SCRG1: variants seen among roughly 807,000 people sequenced by gnomAD.
SCRG1 encodes stimulator of chondrogenesis 1.
SCRG1 carries 3 observed loss-of-function variants against 7.7 expected under a neutral mutation model. The observed-to-expected ratio is 0.39, with a 90% CI of 0.18 to 1.01. The LOEUF (loss-of-function observed/expected upper bound fraction) is 1.01, where lower values mean the gene tolerates loss of function less well. SCRG1 is among the 50% of genes least tolerant of loss of function. The pLI is 0.36. For missense variants in SCRG1, 110 were observed against 117.2 expected, an observed-to-expected ratio of 0.94 and a Z score of 0.28; for synonymous variants, 46 against 41.2, an observed-to-expected ratio of 1.12 and a Z score of -0.44.
At chr4:173,392,609 T>C (rs1042253368) in intron 1 of SCRG1, among the ~76,000 whole-genome samples, 5 of 152,254 alleles carry the variant, frequency 3.3e-5, no homozygotes, top group Non-Finnish European at 5.9e-5. Context: ...TAGACTTCTC[T>C]GGTTTCTACA....
At chr4:173,464,751 A>G in the SCRG1 span, among the ~76,000 whole-genome samples, 1,203 of 152,298 alleles carry the variant, frequency 7.9e-3, 14 homozygotes, top group African/African-American at 0.024. Flanking sequence ...TATATACACA[A>G]AAGAATTTAA....
chr4:173,403,492 T>G (rs1419722810), upstream of SCRG1, among the ~76,000 whole-genome samples: 1 of 152,140 alleles, frequency 6.6e-6, no homozygotes, highest in Non-Finnish European at 1.5e-5. Flanking sequence ...CCGGGAATGC[T>G]GGGCTTTTTA....
At chr4:173,484,370 TTA>T in the SCRG1 span, among the ~76,000 whole-genome samples, 6 of 45,650 alleles carry the variant, frequency 1.3e-4, no homozygotes, top group East Asian at 7.3e-4. Context: ...ATATTATATA[TTA>T]TATATTATGT....
At chr4:173,443,833 T>C in the SCRG1 span, among the ~76,000 whole-genome samples, 145,608 of 152,202 alleles carry the variant, frequency 0.96, 69,988 homozygotes, top group South Asian at 1. Context: ...ACTTGGATTC[T>C]TCTGCATTTT....
At chr4:173,418,335 G>A in the SCRG1 span, among the ~76,000 whole-genome samples, 5 of 152,146 alleles carry the variant, frequency 3.3e-5, no homozygotes, top group South Asian at 2.1e-4. Context: ...GACCTCCCCC[G>A]TGAGAACAGC....
the SCRG1 span, among the ~76,000 whole-genome samples, chr4:173,491,160 TC>T: frequency 1.3e-5 from 2 of 151,532 alleles, no homozygotes; most frequent in Non-Finnish European, 2.9e-5. Context: ...GCCTCTTAAA[TC>T]CTAACTATTT....
chr4:173,395,603 A>G (rs73872589), intron 1 of SCRG1, among the ~76,000 whole-genome samples: 3,515 of 152,290 alleles, frequency 0.023, 152 homozygotes, highest in African/African-American at 0.079. Flanking sequence ...TCACACTCAT[A>G]TCTTCTAAGA....
chr4:173,488,437 A>C, the SCRG1 span, among the ~76,000 whole-genome samples: 1 of 152,196 alleles, frequency 6.6e-6, no homozygotes, highest in African/African-American at 2.4e-5. Flanking sequence ...ATGGAAGAAC[A>C]TGAGGATGTG....
At chr4:173,395,998 A>G (rs1434067215) in intron 1 of SCRG1, among the ~76,000 whole-genome samples, 3 of 152,222 alleles carry the variant, frequency 2.0e-5, no homozygotes, top group Admixed American at 2.0e-4. Flanking sequence ...TTTTAAAAAA[A>G]TCCCTGGCTG....
chr4:173,425,627 C>T, the SCRG1 span, among the ~76,000 whole-genome samples: 1 of 152,168 alleles, frequency 6.6e-6, no homozygotes, highest in Admixed American at 6.5e-5. Context: ...GGCCCAGGGC[C>T]CAATGAGACT....
chr4:173,472,367 G>A, the SCRG1 span, among the ~76,000 whole-genome samples: 1,750 of 152,304 alleles, frequency 0.011, 44 homozygotes, highest in African/African-American at 0.04. Flanking sequence ...CTTTTGCCAA[G>A]TGTATTAGGG....
the SCRG1 span, among the ~76,000 whole-genome samples, chr4:173,450,465 G>A: frequency 6.6e-6 from 1 of 152,190 alleles, no homozygotes; most frequent in Admixed American, 6.5e-5. Context: ...TTCTGTGCTA[G>A]TGGCTCAGAT....
intron 1 of SCRG1, among the ~76,000 whole-genome samples, chr4:173,393,090 CG>C (rs772769079): frequency 1.9e-5 from 2 of 105,810 alleles, no homozygotes; most frequent in Non-Finnish European, 2.1e-5. Context: ...GACTCCGTCT[CG>C]AAAAAAAAAA....
the SCRG1 span, among the ~76,000 whole-genome samples, chr4:173,429,539 T>G: frequency 6.6e-6 from 1 of 152,170 alleles, no homozygotes; most frequent in Non-Finnish European, 1.5e-5. Flanking sequence ...TCAAGTGATC[T>G]TCCTACCTTA....
the SCRG1 span, among the ~76,000 whole-genome samples, chr4:173,483,165 CAT>C: frequency 2.7e-5 from 2 of 72,990 alleles, no homozygotes; most frequent in Non-Finnish European, 2.3e-5. Context: ...AAATATATAA[CAT>C]ATAACATATA....
chr4:173,423,669 A>AAAT, the SCRG1 span, among the ~76,000 whole-genome samples: 12 of 150,748 alleles, frequency 8.0e-5, no homozygotes, highest in African/African-American at 2.7e-4. Flanking sequence ...TTTTTTTTTA[A>AAAT]TTTTTTTTTT....
At chr4:173,475,067 T>C in the SCRG1 span, among the ~76,000 whole-genome samples, 1 of 151,266 alleles carries the variant, frequency 6.6e-6, no homozygotes, top group Non-Finnish European at 1.5e-5. Context: ...ATTCTCTCTC[T>C]CCCCTTCATG....
the SCRG1 span, chr4:173,468,728 G>A: frequency 1.3e-5 from 2 of 152,176 alleles, no homozygotes; most frequent in Admixed American, 6.5e-5. Context: ...GCATACTAAT[G>A]ACACAATGTG....
chr4:173,484,468 A>G, the SCRG1 span, among the ~76,000 whole-genome samples: 11 of 12,606 alleles, frequency 8.7e-4, no homozygotes, highest in African/African-American at 2.2e-3. Flanking sequence ...ATATACATAT[A>G]ATATATAATA....
Sources: gnomAD v4.1 joint callset for allele counts (sites outside exome capture counted in the v4.1 genomes callset) on GRCh38, gnomAD v4.1.1 for gene constraint, MANE v1.5 for transcripts, NCBI Gene and HGNC (gene_info 2026-07-23, HGNC 2026-07-21) for gene names.